The following NUMB variants were observed in gnomAD, a reference collection of about 807,000 sequenced individuals.
The protein encoded by NUMB is protein numb homolog.
A neutral mutation model predicts 59.7 loss-of-function variants in NUMB; 29 were observed. That is an observed-to-expected ratio of 0.49 (90% CI 0.36 to 0.66). NUMB has a LOEUF of 0.66. Among genes scored for constraint, NUMB ranks in the 30% least tolerant of loss-of-function variants. The pLI is 0.00. For synonymous variants in NUMB, 288 were observed against 288.2 expected (o/e 1.00, Z 0.01); for missense variants, 723 against 822.0 (o/e 0.88, Z 1.47).
intron 4 of NUMB, among the ~76,000 whole-genome samples, chr14:73,348,724 T>C (rs1289309577): frequency 1.3e-5 from 2 of 152,242 alleles, no homozygotes; most frequent in Admixed American, 1.3e-4. Flanking sequence ...CCAAAAAGGC[T>C]GGGGACCACT....
intron 1 of NUMB, among the ~76,000 whole-genome samples, chr14:73,448,679 C>A (rs957983316): frequency 6.6e-6 from 1 of 152,082 alleles, no homozygotes; most frequent in African/African-American, 2.4e-5. Context: ...AAATCATTAA[C>A]AATATCAGTA....
intron 2 of NUMB, among the ~76,000 whole-genome samples, chr14:73,384,724 C>A (rs1243828604): frequency 8.2e-6 from 1 of 121,942 alleles, no homozygotes; most frequent in Non-Finnish European, 1.7e-5. Context: ...CGTGCCACCA[C>A]GCCTGGCTTT....
intron 8 of NUMB, among the ~76,000 whole-genome samples, chr14:73,292,465 A>G (rs1889463613): frequency 6.6e-6 from 1 of 152,242 alleles, no homozygotes; most frequent in Non-Finnish European, 1.5e-5. Context: ...AAAGTTTCAA[A>G]TAAAGTTTAG....
chr14:73,295,576 T>C (rs1889720328), intron 7 of NUMB, among the ~76,000 whole-genome samples: 1 of 152,160 alleles, frequency 6.6e-6, no homozygotes, highest in Admixed American at 6.5e-5. Flanking sequence ...TAAAAAAAAG[T>C]ATGCAATGTA....
intron 2 of NUMB, among the ~76,000 whole-genome samples, chr14:73,401,563 ATTTTTTT>A (rs1164847403): frequency 1.8e-5 from 2 of 110,030 alleles, no homozygotes; most frequent in East Asian, 2.4e-4. Flanking sequence ...GTAAGACTAA[ATTTTTTT>A]TTTTTTTTTT....
At chr14:73,321,037 G>A (rs997762774) in intron 5 of NUMB, among the ~76,000 whole-genome samples, 1 of 151,334 alleles carries the variant, frequency 6.6e-6, no homozygotes, top group Non-Finnish European at 1.5e-5. Context: ...ATATAATAAC[G>A]AGATATTTCT....
At chr14:73,367,340 T>TAGAG (rs1422948272) in intron 2 of NUMB, among the ~76,000 whole-genome samples, 4 of 79,672 alleles carry the variant, frequency 5.0e-5, no homozygotes, top group African/African-American at 3.7e-4. Flanking sequence ...CATATATATA[T>TAGAG]ATATATATAG....
At chr14:73,302,434 T>TCTTA (rs1566734171) in intron 6 of NUMB, among the ~76,000 whole-genome samples, 1 of 148,460 alleles carries the variant, frequency 6.7e-6, no homozygotes, top group East Asian at 2.0e-4. Flanking sequence ...TTGAGACGAG[T>TCTTA]CTTACTCTGT....
chr14:73,364,336 T>A (rs1470911271), intron 3 of NUMB, among the ~76,000 whole-genome samples: 1 of 152,012 alleles, frequency 6.6e-6, no homozygotes, highest in Non-Finnish European at 1.5e-5. Context: ...AAACCCCATC[T>A]CTACTAAAAG....
chr14:73,456,191 C>T (rs1432284310), intron 1 of NUMB, among the ~76,000 whole-genome samples: 1 of 151,952 alleles, frequency 6.6e-6, no homozygotes, highest in Non-Finnish European at 1.5e-5. Flanking sequence ...CTCACTGCAA[C>T]CTCCACCTCC....
chr14:73,450,564 G>A (rs1421813504), intron 1 of NUMB, among the ~76,000 whole-genome samples: 2 of 152,098 alleles, frequency 1.3e-5, no homozygotes, highest in Non-Finnish European at 2.9e-5. Flanking sequence ...GGAGGCCAAG[G>A]CAGGTGGATT....
chr14:73,445,059 T>C (rs1883375344), intron 1 of NUMB, among the ~76,000 whole-genome samples: 1 of 151,888 alleles, frequency 6.6e-6, no homozygotes, highest in African/African-American at 2.4e-5. Flanking sequence ...CTAATGAAAA[T>C]TTATCTAATA....
intron 2 of NUMB, among the ~76,000 whole-genome samples, chr14:73,405,390 G>A (rs1199595459): frequency 6.6e-6 from 1 of 151,242 alleles, no homozygotes; most frequent in African/African-American, 2.4e-5. Flanking sequence ...AACTCCTACA[G>A]CTCAGAGAAG....
intron 2 of NUMB, among the ~76,000 whole-genome samples, chr14:73,367,342 T>TAGAGAGAGAGAGAGAGAG (rs1350365792): frequency 6.0e-4 from 47 of 78,588 alleles, no homozygotes; most frequent in Non-Finnish European, 4.9e-4. Flanking sequence ...TATATATATA[T>TAGAGAGAGAGAGAGAGAG]ATATATAGAG....
chr14:73,425,955 C>T (rs1436755919), intron 1 of NUMB, among the ~76,000 whole-genome samples: 5 of 151,852 alleles, frequency 3.3e-5, no homozygotes, highest in African/African-American at 9.7e-5. Flanking sequence ...ACTACAGGTA[C>T]GTGCCACCAA....
rs1888826692 is a variant in NUMB, at chr14:73,284,258, G to T, written c.772C>A (p.Pro258Thr). 1 of 1,614,216 alleles carries T rather than the reference G, an allele frequency of 6.2e-7. No individual in the cohort carries two copies. Among genetic ancestry groups the T allele is most frequent in the East Asian group, 2.2e-5 (1 of 44,888 alleles). Residue 258 changes from proline (P) to threonine (T), a missense_variant, in exon 10 of 13, where the codon CCT (proline) becomes ACT (threonine). Physicochemically the swap from Pro to Thr is conservative, Grantham distance 38 (BLOSUM62 -1). Transcript: ENST00000555238. ...GCATGCCGGCGTGGGATGGCATGAG[G>T]ATTGTTCATCTCCAGAGAGGTCGTG... ...DATTSLEMNN[P>T]HAIPRRHAPI...
chr14:73,446,122 G>A (rs1012907340), intron 1 of NUMB, among the ~76,000 whole-genome samples: 1 of 148,070 alleles, frequency 6.8e-6, no homozygotes, highest in Admixed American at 6.7e-5. Context: ...TCAGCCTCCC[G>A]AGTAGCTGGG....
At chr14:73,350,293 C>T (rs1244214039) in intron 4 of NUMB, among the ~76,000 whole-genome samples, 1 of 151,314 alleles carries the variant, frequency 6.6e-6, no homozygotes, top group African/African-American at 2.4e-5. Flanking sequence ...CCTGCCTCAG[C>T]CTCCCGAGTA....
intron 1 of NUMB, among the ~76,000 whole-genome samples, chr14:73,451,770 T>A (rs1883997041): frequency 6.6e-6 from 1 of 152,196 alleles, no homozygotes; most frequent in African/African-American, 2.4e-5. Flanking sequence ...TTTAGCTGAT[T>A]TCTGTGTCCC....
Sources: allele counts gnomAD v4.1 joint callset (sites outside exome capture counted in the v4.1 genomes callset), GRCh38; gene constraint gnomAD v4.1.1; transcripts MANE v1.5; gene names NCBI Gene and HGNC (gene_info 2026-07-23, HGNC 2026-07-21).